Variants in ARB2A observed in about 807,000 individuals in gnomAD.
ARB2A encodes the protein cotranscriptional regulator ARB2A.
At chr5:93,675,820 G>T in the ARB2A span, among the ~76,000 whole-genome samples, 2 of 152,164 alleles carry the variant, frequency 1.3e-5, no homozygotes, top group African/African-American at 4.8e-5. Flanking sequence ...ACTGTTCAGT[G>T]TCTCTAATTT....
the ARB2A span, chr5:93,618,016 T>C: frequency 6.6e-6 from 1 of 152,172 alleles, no homozygotes; most frequent in African/African-American, 2.4e-5. Flanking sequence ...AAAATCTCTA[T>C]GCAATTGGTG....
chr5:94,032,707 C>T, the ARB2A span, among the ~76,000 whole-genome samples: 1 of 152,136 alleles, frequency 6.6e-6, no homozygotes, highest in African/African-American at 2.4e-5. Flanking sequence ...CCATCCCTCA[C>T]CTTGCAATCA....
the ARB2A span, among the ~76,000 whole-genome samples, chr5:93,749,263 G>A: frequency 1.3e-5 from 2 of 152,122 alleles, no homozygotes; most frequent in Non-Finnish European, 2.9e-5. Context: ...ACCAATCAGT[G>A]ACAGAGTTTG....
chr5:93,819,174 A>G, the ARB2A span, among the ~76,000 whole-genome samples: 3 of 131,718 alleles, frequency 2.3e-5, no homozygotes, highest in Admixed American at 2.3e-4. Flanking sequence ...CGACAGAGCG[A>G]AACTCCGTCT....
At chr5:93,732,638 A>G in the ARB2A span, among the ~76,000 whole-genome samples, 1 of 151,784 alleles carries the variant, frequency 6.6e-6, no homozygotes, top group African/African-American at 2.4e-5. Context: ...TCTCATGTAT[A>G]TGGCTCCGTA....
At chr5:94,099,610 A>G in the ARB2A span, among the ~76,000 whole-genome samples, 7 of 129,884 alleles carry the variant, frequency 5.4e-5, no homozygotes, top group East Asian at 2.6e-4. Flanking sequence ...GGCAACAGTG[A>G]GATGACTCCG....
chr5:94,029,528 C>A, the ARB2A span, among the ~76,000 whole-genome samples: 31 of 152,126 alleles, frequency 2.0e-4, no homozygotes, highest in African/African-American at 7.2e-4. Context: ...GGTCTGAATA[C>A]AGTCAGATTC....
At chr5:94,029,283 C>T in the ARB2A span, among the ~76,000 whole-genome samples, 9 of 152,312 alleles carry the variant, frequency 5.9e-5, no homozygotes, top group East Asian at 1.4e-3. Context: ...TGAGCCACTG[C>T]ATCTGGCCTG....
chr5:93,735,046 C>G, the ARB2A span: 36 of 152,330 alleles, frequency 2.4e-4, no homozygotes, highest in African/African-American at 8.4e-4. Flanking sequence ...CATGAGCCAC[C>G]GCACCTGGCC....
At chr5:93,754,968 GT>G in the ARB2A span, among the ~76,000 whole-genome samples, 1 of 152,106 alleles carries the variant, frequency 6.6e-6, no homozygotes, top group Admixed American at 6.5e-5. Flanking sequence ...TAAGTTATTT[GT>G]TCCGTATAAA....
the ARB2A span, chr5:93,784,045 C>G: frequency 5.9e-6 from 1 of 169,084 alleles, no homozygotes; most frequent in African/African-American, 2.4e-5. Context: ...TAAATAGCAC[C>G]AATGCTAAAT....
chr5:93,862,762 T>C, the ARB2A span: 9 of 152,258 alleles, frequency 5.9e-5, no homozygotes, highest in East Asian at 1.5e-3. Context: ...AAGAACTTTC[T>C]AGATGATGTT....
chr5:93,626,248 A>C, the ARB2A span, among the ~76,000 whole-genome samples: 1 of 152,182 alleles, frequency 6.6e-6, no homozygotes, highest in Non-Finnish European at 1.5e-5. Context: ...TTTTCTGGTA[A>C]AGCAAATAAT....
the ARB2A span, among the ~76,000 whole-genome samples, chr5:93,846,871 T>G: frequency 1.3e-5 from 2 of 152,164 alleles, no homozygotes; most frequent in South Asian, 4.1e-4. Context: ...GGAAGAAATT[T>G]CTTGAAATAA....
the ARB2A span, among the ~76,000 whole-genome samples, chr5:94,089,435 G>C: frequency 6.6e-6 from 1 of 151,994 alleles, no homozygotes; most frequent in Non-Finnish European, 1.5e-5. Flanking sequence ...GAAGACCGCA[G>C]GTACTATTTT....
the ARB2A span, among the ~76,000 whole-genome samples, chr5:93,793,748 G>C: frequency 2.6e-5 from 4 of 152,134 alleles, no homozygotes; most frequent in Non-Finnish European, 5.9e-5. Context: ...AGGATATTAA[G>C]GTGTGTCGTT....
At chr5:93,796,522 C>A in the ARB2A span, among the ~76,000 whole-genome samples, 2 of 152,146 alleles carry the variant, frequency 1.3e-5, no homozygotes, top group African/African-American at 4.8e-5. Context: ...AAAGTGACAT[C>A]ATTATAATAA....
At chr5:93,859,473 A>G in the ARB2A span, among the ~76,000 whole-genome samples, 4 of 152,180 alleles carry the variant, frequency 2.6e-5, no homozygotes, top group African/African-American at 7.2e-5. Flanking sequence ...GACTTTTTAA[A>G]TAATATGTTA....
At chr5:93,826,598 A>C in the ARB2A span, among the ~76,000 whole-genome samples, 2 of 151,974 alleles carry the variant, frequency 1.3e-5, no homozygotes, top group African/African-American at 4.8e-5. Flanking sequence ...ATGTTTTTTT[A>C]ATTTTTTTTA....
Sources: allele counts gnomAD v4.1 joint callset (sites outside exome capture counted in the v4.1 genomes callset), GRCh38; gene constraint gnomAD v4.1.1; transcripts MANE v1.5; gene names NCBI Gene and HGNC (gene_info 2026-07-23, HGNC 2026-07-21).